RASGEF1C: variants seen among roughly 807,000 people sequenced by gnomAD.
RASGEF1C encodes RasGEF domain family member 1C, also known as ras-GEF domain-containing family member 1C.
RASGEF1C carries 27 observed loss-of-function variants against 58.1 expected under a neutral mutation model. That is an observed-to-expected ratio of 0.46 (90% CI 0.34 to 0.64). The LOEUF is 0.64. Ranked by LOEUF, RASGEF1C falls within the 30% of genes least tolerant of loss-of-function variation. The pLI is 0.01. For missense variants in RASGEF1C, 502 were observed against 605.1 expected (o/e 0.83, Z 1.79); for synonymous variants, 243 against 246.3 (o/e 0.99, Z 0.13).
At chr5:180,141,216 AG>A (rs1455202711) in intron 1 of RASGEF1C, among the ~76,000 whole-genome samples, 5 of 152,224 alleles carry the variant, frequency 3.3e-5, no homozygotes, top group Admixed American at 3.3e-4. Context: ...TTTCCATGGC[AG>A]GGCAGGGCTG....
chr5:180,174,389 T>C (rs1767174056), intron 1 of RASGEF1C, among the ~76,000 whole-genome samples: 1 of 151,710 alleles, frequency 6.6e-6, no homozygotes, highest in South Asian at 2.1e-4. Context: ...TTGTCAGAGA[T>C]GCATGTGTGT....
At chr5:180,140,188 G>A (rs1441993650) in intron 1 of RASGEF1C, among the ~76,000 whole-genome samples, 3 of 152,216 alleles carry the variant, frequency 2.0e-5, no homozygotes, top group Non-Finnish European at 4.4e-5. Flanking sequence ...CAGGGGTGGT[G>A]GTGGTTGCTG....
At chr5:180,154,716 G>T (rs1766824577) in intron 1 of RASGEF1C, among the ~76,000 whole-genome samples, 1 of 152,064 alleles carries the variant, frequency 6.6e-6, no homozygotes, top group Admixed American at 6.5e-5. Flanking sequence ...GAGTAGCTGG[G>T]ACTACAGGCA....
chr5:180,193,134 C>A (rs1756196848), intron 1 of RASGEF1C, among the ~76,000 whole-genome samples: 1 of 147,026 alleles, frequency 6.8e-6, no homozygotes, highest in Admixed American at 6.9e-5. Flanking sequence ...CGGCTCACTG[C>A]AAGCTCCACC....
chr5:180,101,449 G>T lies in RASGEF1C; in HGVS notation c.*52C>A. ...CCCACTGGGCCACTGAGGCAGGGCT[G>T]TGGACGGCTTCTGCGGGCTCCAGCT... On this transcript the variant is annotated 3_prime_UTR_variant, in exon 14 of 14. Coordinates refer to ENST00000361132, the MANE Select transcript of RASGEF1C (RefSeq NM_175062.4). 1 of 1,603,264 alleles carries T rather than the reference G, an allele frequency of 6.2e-7. No homozygotes were observed. Among genetic ancestry groups the T allele is most frequent in the South Asian group, 1.1e-5 (1 of 90,624 alleles).
In RASGEF1C at chr5:180,137,741, G is replaced by A; in HGVS notation, c.178-29C>T. 1 of 1,611,166 alleles carries A rather than the reference G, an allele frequency of 6.2e-7. No homozygotes were observed. Among genetic ancestry groups the A allele is most frequent in the Non-Finnish European group, 8.5e-7 (1 of 1,178,688 alleles). On this transcript the variant is annotated intron_variant, in intron 2 of 13. Coordinates refer to ENST00000361132, the MANE Select transcript of RASGEF1C (RefSeq NM_175062.4). The surrounding 1 kb of genome is among the most constrained non-coding windows in gnomAD (Gnocchi z 4.1). The stretch of plus-strand genomic sequence containing the variant: ...GGGGACACACGAGAAAGAGGGCACA[G>A]GCTCAGGAGGGCACCAGGAGGGGCA...
chr5:180,202,945 ACCCGCCTCGGCCT>A (rs1450394718), intron 1 of RASGEF1C, among the ~76,000 whole-genome samples: 4 of 151,640 alleles, frequency 2.6e-5, no homozygotes, highest in Non-Finnish European at 5.9e-5. Flanking sequence ...CTCGTGATGC[ACCCGCCTCGGCCT>A]CCCAAAGTGC....
At chr5:180,193,944 C>A (rs1438185117) in intron 1 of RASGEF1C, among the ~76,000 whole-genome samples, 2 of 151,646 alleles carry the variant, frequency 1.3e-5, no homozygotes, top group East Asian at 3.9e-4. Flanking sequence ...CCGGGCATTG[C>A]GGCCCTGGGA....
chr5:180,111,232 G>C (rs928877553), intron 12 of RASGEF1C, among the ~76,000 whole-genome samples: 2 of 152,130 alleles, frequency 1.3e-5, no homozygotes, highest in African/African-American at 4.8e-5. Flanking sequence ...CTGGCCCCGG[G>C]GGTCCTTGAG....
chr5:180,147,123 C>T (rs1167506172), intron 1 of RASGEF1C, among the ~76,000 whole-genome samples: 1 of 151,880 alleles, frequency 6.6e-6, no homozygotes, highest in East Asian at 1.9e-4. Flanking sequence ...CTTATAATCC[C>T]TTTAATTTAT....
intron 1 of RASGEF1C, among the ~76,000 whole-genome samples, chr5:180,202,069 G>A (rs751807975): frequency 6.6e-6 from 1 of 152,054 alleles, no homozygotes; most frequent in Non-Finnish European, 1.5e-5. Context: ...AAAGGTAAAT[G>A]TGAAATTAGA....
chr5:180,178,053 G>A (rs1456493203), intron 1 of RASGEF1C, among the ~76,000 whole-genome samples: 4 of 150,618 alleles, frequency 2.7e-5, no homozygotes, highest in South Asian at 2.1e-4. Flanking sequence ...CGCAACTTTC[G>A]CCTCCCAGGT....
At chr5:180,173,786 G>C (rs565078180) in intron 1 of RASGEF1C, among the ~76,000 whole-genome samples, 1 of 152,016 alleles carries the variant, frequency 6.6e-6, no homozygotes, top group Non-Finnish European at 1.5e-5. Flanking sequence ...GGTGGTGGGC[G>C]CCTGTAATCC....
intron 4 of RASGEF1C, among the ~76,000 whole-genome samples, chr5:180,132,457 C>G (rs1766386853): frequency 6.6e-6 from 1 of 152,208 alleles, no homozygotes; most frequent in Non-Finnish European, 1.5e-5. Context: ...CTCTGAAATT[C>G]TAGGAGACTC....
chr5:180,124,759 C>T (rs10065219), intron 6 of RASGEF1C, among the ~76,000 whole-genome samples: 5,145 of 151,778 alleles, frequency 0.034, 305 homozygotes, highest in African/African-American at 0.12. Context: ...AGGAGGCGGA[C>T]GTTGTAGTGA....
chr5:180,174,610 G>A (rs1187632301), intron 1 of RASGEF1C, among the ~76,000 whole-genome samples: 2 of 8,792 alleles, frequency 2.3e-4, no homozygotes, highest in South Asian at 8.1e-3. Flanking sequence ...GTGCACGCAT[G>A]TGTGTGTCTG....
At chr5:180,182,958 T>C (rs992393931) in intron 1 of RASGEF1C, among the ~76,000 whole-genome samples, 1 of 152,204 alleles carries the variant, frequency 6.6e-6, no homozygotes, top group Non-Finnish European at 1.5e-5. Flanking sequence ...GGACTGTGAA[T>C]ATGATGGATG....
At chr5:180,191,387 A>G (rs13178273) in intron 1 of RASGEF1C, among the ~76,000 whole-genome samples, 2 of 151,586 alleles carry the variant, frequency 1.3e-5, no homozygotes, top group African/African-American at 2.4e-5. Flanking sequence ...GACGGAGTCT[A>G]GCTCTGTCGC....
At chr5:180,128,648 TCATCTCTG>T (rs1561737146) in intron 4 of RASGEF1C, 38 bp from the exon 5 acceptor site, 20 of 1,590,888 alleles carry the variant, frequency 1.3e-5, no homozygotes, top group Non-Finnish European at 1.6e-5. Flanking sequence ...GACTGAACAC[TCATCTCTG>T]CATCTCTAAC....
Sources: allele counts gnomAD v4.1 joint callset (sites outside exome capture counted in the v4.1 genomes callset), GRCh38; gene constraint gnomAD v4.1.1; non-coding constraint Gnocchi (gnomAD v3.1); transcripts MANE v1.5; gene names NCBI Gene and HGNC (gene_info 2026-07-23, HGNC 2026-07-21).